Variants in PRXL2B observed in about 807,000 individuals in gnomAD.
PRXL2B encodes the protein prostamide/prostaglandin F synthase.
In PRXL2B, 26 loss-of-function variants were observed where a neutral mutation model predicts 24.4. The ratio of observed to expected loss-of-function variants is 1.07; its 90% confidence interval spans 0.78 to 1.48. PRXL2B has a LOEUF of 1.48. Among genes scored for constraint, PRXL2B ranks in the 40% most tolerant of loss-of-function variants. PRXL2B has a pLI of 0.00. For missense variants in PRXL2B, 269 were observed against 264.8 expected (o/e 1.02, Z -0.11); for synonymous variants, 115 against 118.9 (o/e 0.97, Z 0.21).
In PRXL2B at chr1:2,591,103, G is replaced by GGTGT; in HGVS notation, c.*1678_*1681dup. On this transcript the variant is annotated 3_prime_UTR_variant, in exon 7 of 7. Coordinates refer to ENST00000419916, the MANE Select transcript of PRXL2B (RefSeq NM_152371.5). The stretch of plus-strand genomic sequence containing the variant: ...GACCCCAGTACCCTGTGGGTGGGTG[G>GGTGT]GTGTGACAGCAGGAGCATTGCCATC... 1.3e-6 allele frequency: 2 copies of GGTGT among 1,540,814 alleles called. No individual in the cohort carries two copies. The highest frequency in any genetic ancestry group is 1.8e-6 in the Non-Finnish European group (2 of 1,141,164).
rs1644556734 is a variant in PRXL2B, at chr1:2,587,589, G to A, written c.269-152G>A. The A allele has an allele frequency of 1.5e-5, 14 of 946,796 alleles. No homozygotes were observed. In the Middle Eastern group the frequency reaches 9.2e-4, roughly 62 times the overall value. 58.6% of individuals were successfully genotyped at this position (946,796 alleles called of 1,614,324 possible). ...GAGGGGAGGGGGGACACTCAGCCCC[G>A]TTTTACCCCTCCCTGCCCTGCGGGG... On this transcript the variant is annotated intron_variant, in intron 2 of 6. Coordinates refer to ENST00000419916, the MANE Select transcript of PRXL2B (RefSeq NM_152371.5). The surrounding 1 kb of genome is among the most constrained non-coding windows in gnomAD (Gnocchi z 6.1).
chr1:2,591,076 G>A lies in PRXL2B; in HGVS notation c.*1649G>A. The A allele has an allele frequency of 6.2e-7, 1 of 1,601,698 alleles. No homozygotes were observed. The highest frequency in any genetic ancestry group is 1.1e-5 in the South Asian group (1 of 88,646). On this transcript the variant is annotated 3_prime_UTR_variant, in exon 7 of 7. Coordinates refer to ENST00000419916, the MANE Select transcript of PRXL2B (RefSeq NM_152371.5). ...TCTGCGAAGGCGGCCAGGTTCTGCA[G>A]CGACCCCAGTACCCTGTGGGTGGGT...
chr1:2,589,325 G>C, intron 6 of PRXL2B, 85 bp from the exon 7 acceptor site: 4 of 1,560,018 alleles, frequency 2.6e-6, no homozygotes, highest in Non-Finnish European at 3.5e-6. Context: ...AGCCTTGGGA[G>C]GGCTGGGGAT....
chr1:2,587,246 C>T lies in PRXL2B; in HGVS notation c.219C>T (p.Pro73=). ...GCGTGCGCCTGGTGGGCGTAGGGCC[C>T]GAGGCCCTGGGTCTGCAGGAGTTCC... ...QHGVRLVGVG[P]EALGLQEFLD... is the part of the protein sequence containing the mutation. The change falls in exon 2 of 7, where the codon CCC becomes CCT. Residue 73 remains proline, a synonymous_variant. Transcript: ENST00000419916. This position sits in a 1 kb window ranked among gnomAD's most constrained non-coding sequence, Gnocchi z 6.1. The T allele has an allele frequency of 2.5e-6, 4 of 1,578,036 alleles. No homozygotes were observed. The highest frequency in any genetic ancestry group is 2.6e-6 in the Non-Finnish European group (3 of 1,168,242).
Position 2,587,075 on chromosome 1 carries a change from C to G in PRXL2B, c.64-16C>G. 1 of 1,498,386 alleles carries G rather than the reference C, an allele frequency of 6.7e-7. No individual in the cohort carries two copies. The highest frequency in any genetic ancestry group is 8.8e-7 in the Non-Finnish European group (1 of 1,131,922). 92.8% of individuals were successfully genotyped at this position (1,498,386 alleles called of 1,614,324 possible). A position where few individuals can be genotyped will look rare whatever the true frequency, so the allele number is the denominator to read the frequency against. On this transcript the variant is annotated splice_polypyrimidine_tract_variant and intron_variant, in intron 1 of 6. Coordinates refer to ENST00000419916, the MANE Select transcript of PRXL2B (RefSeq NM_152371.5). The surrounding 1 kb of genome is among the most constrained non-coding windows in gnomAD (Gnocchi z 6.1). The stretch of plus-strand genomic sequence containing the variant: ...TGGGGGCAACGGGGCGCGCCCATGA[C>G]CCAGCCGCCCGGCAGGCCGTGGAGC...
rs903658365 is a variant in PRXL2B at position 2,587,312 on chromosome 1, G to A, written c.268+17G>A. ...TCGCGGGAGGTGCGTCCTGTTCCCC[G>A]CCGCGGCGGCGCACATACCCTTCCC... On this transcript the variant is annotated intron_variant, in intron 2 of 6. Transcript: ENST00000419916. The surrounding 1 kb of genome is among the most constrained non-coding windows in gnomAD (Gnocchi z 6.1). 2.6e-5 allele frequency: 41 copies of A among 1,548,458 alleles called. No homozygotes were observed. Among genetic ancestry groups the A allele is most frequent in the Non-Finnish European group, 3.4e-5 (39 of 1,153,304 alleles).
At position 2,587,647 on chromosome 1, in the gene PRXL2B, A is replaced by G; in HGVS notation, c.269-94A>G. 1 of 1,426,012 alleles carries G rather than the reference A, an allele frequency of 7.0e-7. No homozygotes were observed. Among genetic ancestry groups the G allele is most frequent in the South Asian group, 1.2e-5 (1 of 81,588 alleles). 88.3% of individuals were successfully genotyped at this position (1,426,012 alleles called of 1,614,324 possible). ...GAGCACGGAGGGTGGGCAGAGGAAC[A>G]GAGGGTCGGAAGGAGGAGGGCGATT... On this transcript the variant is annotated intron_variant, in intron 2 of 6. Coordinates refer to ENST00000419916, the MANE Select transcript of PRXL2B (RefSeq NM_152371.5). This position sits in a 1 kb window ranked among gnomAD's most constrained non-coding sequence, Gnocchi z 6.1.
In PRXL2B at chr1:2,591,056, G is replaced by A. The variant is rs149151143; in HGVS notation, c.*1629G>A. On this transcript the variant is annotated 3_prime_UTR_variant, in exon 7 of 7. Coordinates refer to ENST00000419916, the MANE Select transcript of PRXL2B (RefSeq NM_152371.5). ...CCCGGGCACAGTGGAACGTGTCTGC[G>A]AAGGCGGCCAGGTTCTGCAGCGACC... 65 of 1,606,496 alleles carry A rather than the reference G, an allele frequency of 4.0e-5. No homozygotes were observed. Among genetic ancestry groups the A allele is most frequent in the East Asian group, 1.3e-4 (6 of 44,580 alleles).
At position 2,587,923 on chromosome 1, in the gene PRXL2B, C is replaced by G. The variant is rs1250987449; in HGVS notation, c.320+131C>G. Reference sequence around the variant, plus strand: ...TCGGGCCTTCCTGGGCAAGGCGGCTCTGGTGGCACTGTTGACCAGCCCTTC... The same window carrying G: ...TCGGGCCTTCCTGGGCAAGGCGGCTGTGGTGGCACTGTTGACCAGCCCTTC... On this transcript the variant is annotated intron_variant, in intron 3 of 6. Coordinates refer to ENST00000419916, the MANE Select transcript of PRXL2B (RefSeq NM_152371.5). The surrounding 1 kb of genome is among the most constrained non-coding windows in gnomAD (Gnocchi z 6.1). 2.0e-6 allele frequency: 2 copies of G among 1,009,454 alleles called. No homozygotes were observed. Among genetic ancestry groups the G allele is most frequent in the African/African-American group, 1.6e-5 (1 of 61,850 alleles). 62.5% of individuals were successfully genotyped at this position (1,009,454 alleles called of 1,614,324 possible). A position where few individuals can be genotyped will look rare whatever the true frequency, so the allele number is the denominator to read the frequency against.
In PRXL2B at chr1:2,591,199, T is replaced by C. The variant is rs1644691558; in HGVS notation, c.*1772T>C. On this transcript the variant is annotated 3_prime_UTR_variant, in exon 7 of 7. Transcript: ENST00000419916. ...CCCAAAACATCAGCCTAATGGCTCA[T>C]GTCAGTATGAGCAGAAACATTTCAA... 2 of 700,154 alleles carry C rather than the reference T, an allele frequency of 2.9e-6. No individual in the cohort carries two copies. The highest frequency in any genetic ancestry group is 2.8e-5 in the East Asian group (1 of 35,136). The allele number at this position is 700,154 out of a possible 1,614,324, so 43.4% of individuals were successfully genotyped here.
Position 2,588,370 on chromosome 1 carries a change from GC to G in PRXL2B, c.321-19del. On this transcript the variant is annotated intron_variant, in intron 3 of 6. Transcript: ENST00000419916. ...CCAGGCTTCTCCGGAGTTTGGCCAA[GC>G]GACCTGGTGTCTTCGCAGGTACAAC... 6.2e-7 allele frequency: 1 copy of G among 1,614,144 alleles called. No homozygotes were observed. Among genetic ancestry groups the G allele is most frequent in the Non-Finnish European group, 8.5e-7 (1 of 1,180,032 alleles).
rs2100898503 is a variant in PRXL2B at position 2,587,314 on chromosome 1, C to CGCG, written c.268+26_268+28dup. The stretch of plus-strand genomic sequence containing the variant: ...GCGGGAGGTGCGTCCTGTTCCCCGC[C>CGCG]GCGGCGGCGCACATACCCTTCCCTA... On this transcript the variant is annotated intron_variant, in intron 2 of 6. Transcript: ENST00000419916. This position sits in a 1 kb window ranked among gnomAD's most constrained non-coding sequence, Gnocchi z 6.1. 6.5e-7 allele frequency: 1 copy of CGCG among 1,547,582 alleles called. No individual in the cohort carries two copies. The highest frequency in any genetic ancestry group is 8.7e-7 in the Non-Finnish European group (1 of 1,152,768).
Position 2,589,090 on chromosome 1 carries a change from G to A in PRXL2B, c.579+50G>A, listed in dbSNP as rs779140263. 2.6e-5 allele frequency: 40 copies of A among 1,548,204 alleles called. No homozygotes were observed. The South Asian group carries it at 4.0e-4, about 16-fold the overall frequency. Reference sequence around the variant, plus strand: ...CCTGCCAGCCCACGCCCTGCCCCTAGGTCCCCTGGGAGGAGCACTCGGCTT... The same window carrying A: ...CCTGCCAGCCCACGCCCTGCCCCTAAGTCCCCTGGGAGGAGCACTCGGCTT... On this transcript the variant is annotated intron_variant, in intron 6 of 6. Transcript: ENST00000419916.
chr1:2,588,734 G>T, intron 5 of PRXL2B, 109 bp downstream of exon 5: 1 of 1,311,502 alleles, frequency 7.6e-7, no homozygotes, highest in Non-Finnish European at 1.1e-6. Flanking sequence ...CAGCCCCTCC[G>T]CCGCAATGTG....
At position 2,587,664 on chromosome 1, in the gene PRXL2B, A is replaced by G. The variant is rs535329004; in HGVS notation, c.269-77A>G. 8.7e-6 allele frequency: 13 copies of G among 1,492,230 alleles called. No homozygotes were observed. The East Asian group carries it at 2.9e-4, about 33-fold the overall frequency. The allele number at this position is 1,492,230 out of a possible 1,614,324, so 92.4% of individuals were successfully genotyped here. On this transcript the variant is annotated intron_variant, in intron 2 of 6. Transcript: ENST00000419916. The surrounding 1 kb of genome is among the most constrained non-coding windows in gnomAD (Gnocchi z 6.1). Reference sequence around the variant, plus strand: ...AGAGGAACAGAGGGTCGGAAGGAGGAGGGCGATTCTTTGTGGTGAGTGGGT... The same window carrying G: ...AGAGGAACAGAGGGTCGGAAGGAGGGGGGCGATTCTTTGTGGTGAGTGGGT...
In PRXL2B at chr1:2,587,601, C is replaced by T; in HGVS notation, c.269-140C>T. The stretch of plus-strand genomic sequence containing the variant: ...GACACTCAGCCCCGTTTTACCCCTC[C>T]CTGCCCTGCGGGGGTGGGCTGAGCA... On this transcript the variant is annotated intron_variant, in intron 2 of 6. Coordinates refer to ENST00000419916, the MANE Select transcript of PRXL2B (RefSeq NM_152371.5). The surrounding 1 kb of genome is among the most constrained non-coding windows in gnomAD (Gnocchi z 6.1). 1 of 1,033,032 alleles carries T rather than the reference C, an allele frequency of 9.7e-7. No homozygotes were observed. Among genetic ancestry groups the T allele is most frequent in the South Asian group, 1.4e-5 (1 of 72,096 alleles). The allele number at this position is 1,033,032 out of a possible 1,614,324, so 64.0% of individuals were successfully genotyped here. A position where few individuals can be genotyped will look rare whatever the true frequency, so the allele number is the denominator to read the frequency against.
In PRXL2B at chr1:2,587,615, G is replaced by A. The variant is rs945017439; in HGVS notation, c.269-126G>A. 5.1e-5 allele frequency: 58 copies of A among 1,142,394 alleles called. No homozygotes were observed. Among genetic ancestry groups the A allele is most frequent in the Admixed American group, 1.0e-4 (5 of 50,156 alleles). The allele number at this position is 1,142,394 out of a possible 1,614,324, so 70.8% of individuals were successfully genotyped here. A position where few individuals can be genotyped will look rare whatever the true frequency, so the allele number is the denominator to read the frequency against. On this transcript the variant is annotated intron_variant, in intron 2 of 6. Transcript: ENST00000419916. This position sits in a 1 kb window ranked among gnomAD's most constrained non-coding sequence, Gnocchi z 6.1. Reference sequence around the variant, plus strand: ...TTTTACCCCTCCCTGCCCTGCGGGGGTGGGCTGAGCACGGAGGGTGGGCAG... The same window carrying A: ...TTTTACCCCTCCCTGCCCTGCGGGGATGGGCTGAGCACGGAGGGTGGGCAG...
chr1:2,589,419 G>C lies in PRXL2B; in HGVS notation c.589G>C (p.Glu197Gln), dbSNP rs754038181. The change falls in exon 7 of 7, where the codon GAG becomes CAG. Residue 197 changes from glutamate (E) to glutamine (Q), a missense_variant. Transcript: ENST00000419916. ...CASDPPQCDR[E>Q]V ...CCTGCTGTCCCCACAGTGTGACAGA[G>C]AGGTGTGAGGGAGGCGAAGGCCCTG... The C allele has an allele frequency of 5.6e-6, 9 of 1,613,756 alleles. No homozygotes were observed. In the Admixed American group the frequency reaches 8.3e-5, roughly 15 times the overall value.
Position 2,587,837 on chromosome 1 carries a change from C to A in PRXL2B, c.320+45C>A. The A allele has an allele frequency of 6.4e-7, 1 of 1,558,080 alleles. No individual in the cohort carries two copies. Among genetic ancestry groups the A allele is most frequent in the Non-Finnish European group, 8.7e-7 (1 of 1,149,662 alleles). On this transcript the variant is annotated intron_variant, in intron 3 of 6. Coordinates refer to ENST00000419916, the MANE Select transcript of PRXL2B (RefSeq NM_152371.5). The surrounding 1 kb of genome is among the most constrained non-coding windows in gnomAD (Gnocchi z 6.1). ...CTTGGGTAGCGTGGGGTGGGGGGCC[C>A]AGGGGTTCCCACCGCTCCCTGCCAC...
Sources: gnomAD v4.1 joint callset for allele counts on GRCh38, gnomAD v4.1.1 for gene constraint, Gnocchi (gnomAD v3.1) non-coding constraint, MANE v1.5 for transcripts, NCBI Gene and HGNC (gene_info 2026-07-23, HGNC 2026-07-21) for gene names.